The following RGS7 variants were observed in gnomAD, a reference collection of about 807,000 sequenced individuals.
RGS7 encodes regulator of G protein signaling 7, also known as regulator of G-protein signaling 7.
RGS7 carries 27 observed loss-of-function variants against 81.1 expected under a neutral mutation model. That is an observed-to-expected ratio of 0.33 (90% CI 0.25 to 0.46). The LOEUF is 0.46. Among genes scored for constraint, RGS7 ranks in the 20% least tolerant of loss-of-function variants. RGS7 has a pLI of 1.00. For synonymous variants in RGS7, 208 were observed against 207.7 expected (o/e 1.00, Z -0.01); for missense variants, 396 against 607.4 (o/e 0.65, Z 3.66).
chr1:241,355,042 A>G (rs1325285604), intron 2 of RGS7, among the ~76,000 whole-genome samples: 1 of 152,208 alleles, frequency 6.6e-6, no homozygotes, highest in Non-Finnish European at 1.5e-5. Flanking sequence ...TATTAAATGT[A>G]TAAGGCTGTC....
intron 4 of RGS7, among the ~76,000 whole-genome samples, chr1:240,938,823 T>C (rs1393916946): frequency 1.7e-5 from 2 of 116,922 alleles, no homozygotes; most frequent in Non-Finnish European, 3.6e-5. Context: ...ATTTTGTGCG[T>C]GTGTGTGTGT....
At chr1:240,784,654 AAAG>A (rs1364910647) in intron 18 of RGS7, among the ~76,000 whole-genome samples, 1 of 146,464 alleles carries the variant, frequency 6.8e-6, no homozygotes, top group African/African-American at 2.7e-5. Flanking sequence ...TCAAAAAAAA[AAAG>A]ATTTTTTTTT....
At chr1:241,067,444 A>T (rs1054189031) in intron 3 of RGS7, among the ~76,000 whole-genome samples, 1 of 152,170 alleles carries the variant, frequency 6.6e-6, no homozygotes, top group Non-Finnish European at 1.5e-5. Context: ...ACCGAGAGCT[A>T]TCCTTCCAGG....
intron 18 of RGS7, among the ~76,000 whole-genome samples, chr1:240,799,562 C>G (rs533339940): frequency 2.2e-4 from 33 of 152,178 alleles, no homozygotes; most frequent in African/African-American, 7.7e-4. Flanking sequence ...AGATCAAGCT[C>G]TACCATGGAT....
chr1:240,994,545 C>T (rs2148603543), intron 3 of RGS7, among the ~76,000 whole-genome samples: 1 of 152,126 alleles, frequency 6.6e-6, no homozygotes, highest in Middle Eastern at 3.4e-3. Flanking sequence ...GGACTCGATT[C>T]TTAGTTCTAG....
At chr1:240,964,778 A>G (rs1047682035) in intron 4 of RGS7, among the ~76,000 whole-genome samples, 1 of 152,190 alleles carries the variant, frequency 6.6e-6, no homozygotes, top group Admixed American at 6.5e-5. Context: ...CCAAAAGTGT[A>G]TTTTATTCGA....
intron 2 of RGS7, among the ~76,000 whole-genome samples, chr1:241,333,084 G>T (rs1341445): frequency 7.2e-5 from 11 of 152,252 alleles, no homozygotes; most frequent in African/African-American, 1.4e-4. Flanking sequence ...GGGTCTTTCA[G>T]GGACAGGAAA....
intron 4 of RGS7, among the ~76,000 whole-genome samples, chr1:240,965,233 A>T (rs1273965076): frequency 6.6e-6 from 1 of 152,220 alleles, no homozygotes. Flanking sequence ...ATTGCAGAAT[A>T]TAATTCCACA....
intron 2 of RGS7, among the ~76,000 whole-genome samples, chr1:241,327,098 GAAAGAAA>G (rs2081602052): frequency 1.3e-5 from 1 of 78,530 alleles, no homozygotes; most frequent in African/African-American, 5.1e-5. Flanking sequence ...AAGAAAGAAA[GAAAGAAA>G]GAAAGAAAGA....
intron 3 of RGS7, among the ~76,000 whole-genome samples, chr1:241,096,164 A>G (rs1026422195): frequency 2.6e-5 from 4 of 152,156 alleles, no homozygotes; most frequent in African/African-American, 9.7e-5. Flanking sequence ...TTTCATTAGA[A>G]GCTCTGCAGT....
intron 6 of RGS7, among the ~76,000 whole-genome samples, chr1:240,898,636 T>C (rs1322375162): frequency 6.6e-6 from 1 of 152,230 alleles, no homozygotes; most frequent in Admixed American, 6.5e-5. Flanking sequence ...GATTGCACTG[T>C]GGTCTGAGAG....
At chr1:241,292,165 C>A (rs1649335495) in intron 2 of RGS7, among the ~76,000 whole-genome samples, 1 of 152,152 alleles carries the variant, frequency 6.6e-6, no homozygotes, top group Non-Finnish European at 1.5e-5. Context: ...TTCTGGAATA[C>A]CTCCTGAAGG....
intron 2 of RGS7, among the ~76,000 whole-genome samples, chr1:241,108,506 A>G (rs528230329): frequency 1.2e-4 from 18 of 152,308 alleles, no homozygotes; most frequent in Non-Finnish European, 2.1e-4. Flanking sequence ...GAAAATACCA[A>G]CGATGCTAAA....
At chr1:241,265,888 G>A (rs538343398) in intron 2 of RGS7, among the ~76,000 whole-genome samples, 1 of 147,518 alleles carries the variant, frequency 6.8e-6, no homozygotes, top group Non-Finnish European at 1.5e-5. Context: ...TCCGCCTCCC[G>A]GGTTCAAGCA....
intron 9 of RGS7, among the ~76,000 whole-genome samples, chr1:240,829,967 G>C (rs1383942116): frequency 6.6e-6 from 1 of 152,162 alleles, no homozygotes; most frequent in East Asian, 1.9e-4. Context: ...AAGATACTGA[G>C]CTCAGCAGGT....
Position 241,263,673 on chromosome 1 carries a change from C to T in RGS7, c.78+92026G>A, listed in dbSNP as rs559343748. ...TAAGTACCCTGACTTGATCATTATACACAATTTATATGCATGAAAACATCA... is the reference window on the plus strand; with the variant it reads ...TAAGTACCCTGACTTGATCATTATATACAATTTATATGCATGAAAACATCA... On this transcript the variant is annotated intron_variant, in intron 2 of 18. Coordinates refer to ENST00000440928, the MANE Select transcript of RGS7 (RefSeq NM_001364886.1). Among the ~76,000 whole-genome samples, 12 of 152,282 alleles carry T rather than the reference C, an allele frequency of 7.9e-5. No homozygotes were observed. In the South Asian group the frequency reaches 2.3e-3, roughly 29 times the overall value.
chr1:241,327,124 A>AG (rs2081620759), intron 2 of RGS7, among the ~76,000 whole-genome samples: 3 of 113,432 alleles, frequency 2.6e-5, no homozygotes, highest in African/African-American at 9.8e-5. Context: ...GAAAGAAAGA[A>AG]AGAAAGAAAG....
chr1:240,817,179 T>C (rs1690950803), intron 10 of RGS7, among the ~76,000 whole-genome samples: 1 of 152,240 alleles, frequency 6.6e-6, no homozygotes, highest in African/African-American at 2.4e-5. Context: ...TGTAACTGAC[T>C]ATGAGACATC....
At chr1:240,866,573 C>T (rs1187449136) in intron 9 of RGS7, among the ~76,000 whole-genome samples, 1 of 151,842 alleles carries the variant, frequency 6.6e-6, no homozygotes, top group African/African-American at 2.4e-5. Flanking sequence ...TGGTTTCTGC[C>T]TCCAGATCCT....
Sources: gnomAD v4.1 joint callset for allele counts (sites outside exome capture counted in the v4.1 genomes callset) on GRCh38, gnomAD v4.1.1 for gene constraint, MANE v1.5 for transcripts, NCBI Gene and HGNC (gene_info 2026-07-23, HGNC 2026-07-21) for gene names.